The following COL6A6 variants were observed in gnomAD, a reference collection of about 807,000 sequenced individuals.
COL6A6 encodes the protein collagen type VI alpha 6 chain.
Under a neutral mutation model 208.6 loss-of-function variants are expected in COL6A6, and 183 were observed. The ratio of observed to expected loss-of-function variants is 0.88; its 90% CI spans 0.78 to 0.99. The LOEUF is 0.99. Ranked by LOEUF, COL6A6 falls within the 50% of genes least tolerant of loss-of-function variation. The probability of loss-of-function intolerance (pLI) is 0.00; values close to 1 mark genes in which losing one functional copy is unlikely to be tolerated. For missense variants in COL6A6, 2,816 were observed against 2,815.2 expected (o/e 1.00, Z -0.01); for synonymous variants, 973 against 1,011.8 (o/e 0.96, Z 0.73).
intron 24 of COL6A6, among the ~76,000 whole-genome samples, chr3:130,625,398 G>A (rs1352640062): frequency 6.6e-6 from 1 of 152,172 alleles, no homozygotes; most frequent in Admixed American, 6.5e-5. Flanking sequence ...GAGGGAGATG[G>A]AGAGTAACTT....
chr3:130,549,600 A>G (rs1457296382), intron 1 of COL6A6, among the ~76,000 whole-genome samples: 3 of 152,134 alleles, frequency 2.0e-5, no homozygotes, highest in East Asian at 3.8e-4. Context: ...TCCAGTTTCA[A>G]TCTTCTGCAT....
At chr3:130,527,890 C>CTTTTTTTTTTTTTTTTTTTTTTTT (rs56110472) in intron 1 of COL6A6, among the ~76,000 whole-genome samples, 2 of 57,816 alleles carry the variant, frequency 3.5e-5, no homozygotes, top group Non-Finnish European at 7.0e-5. Flanking sequence ...GTTACTTTTC[C>CTTTTTTTTTTTTTTTTTTTTTTTT]TTTTTTTTTT....
At chr3:130,603,540 G>A (rs2064089737) in intron 20 of COL6A6, among the ~76,000 whole-genome samples, 1 of 152,212 alleles carries the variant, frequency 6.6e-6, no homozygotes, top group African/African-American at 2.4e-5. Flanking sequence ...TGGGGGAGAT[G>A]AGGAAGAAAG....
chr3:130,563,559 C>T lies in COL6A6; in HGVS notation c.556C>T (p.Leu186Phe). 6.2e-7 allele frequency: 1 copy of T among 1,613,998 alleles called. No individual in the cohort carries two copies. The highest frequency in any genetic ancestry group is 8.5e-7 in the Non-Finnish European group (1 of 1,179,888). The change falls in exon 3 of 37, where the codon CTT becomes TTT. Residue 186 changes from leucine to phenylalanine, a missense_variant. By Grantham distance (22) the Leu-to-Phe change is conservative. Transcript: ENST00000358511. ...AMATSQFHFN[L>F]RTVRDLSMFS... The stretch of plus-strand genomic sequence containing the variant: ...GGCCACGTCTCAGTTTCATTTCAAC[C>T]TTCGGACAGTCAGAGACCTCAGCAT...
At chr3:130,558,715 T>A (rs1170912944) in intron 1 of COL6A6, among the ~76,000 whole-genome samples, 1 of 152,124 alleles carries the variant, frequency 6.6e-6, no homozygotes, top group Non-Finnish European at 1.5e-5. Context: ...CTACAATAAT[T>A]TATAAAGCTC....
chr3:130,638,743 T>A (rs2065227350), intron 28 of COL6A6, among the ~76,000 whole-genome samples: 1 of 152,244 alleles, frequency 6.6e-6, no homozygotes, highest in Admixed American at 6.5e-5. Context: ...TTTCTCAGAA[T>A]TTTGAAGGCT....
chr3:130,545,916 ACTT>A, intron 1 of COL6A6, among the ~76,000 whole-genome samples: 1 of 152,110 alleles, frequency 6.6e-6, no homozygotes, highest in South Asian at 2.1e-4. Flanking sequence ...TTCAAATATT[ACTT>A]CTACTTCTTT....
chr3:130,556,873 C>T (rs2062778537), intron 1 of COL6A6, among the ~76,000 whole-genome samples: 1 of 152,202 alleles, frequency 6.6e-6, no homozygotes, highest in Non-Finnish European at 1.5e-5. Flanking sequence ...CCACAGAGGG[C>T]CTGCCATAGG....
chr3:130,645,004 T>G lies in COL6A6; in HGVS notation c.5239+2T>G. 6.2e-7 allele frequency: 1 copy of G among 1,611,956 alleles called. No individual in the cohort carries two copies. Among genetic ancestry groups the G allele is most frequent in the Non-Finnish European group, 8.5e-7 (1 of 1,178,086 alleles). The stretch of plus-strand genomic sequence containing the variant: ...CTTCTTCCCCAGCTGGCAGGCATGG[T>G]GAGTAATCTTTATTTACAGCATGCT... On this transcript the variant is annotated splice_donor_variant, in intron 32 of 36. Transcript: ENST00000358511. LOFTEE classifies it high-confidence loss of function.
intron 1 of COL6A6, among the ~76,000 whole-genome samples, chr3:130,553,646 T>TC (rs2062698714): frequency 6.6e-6 from 1 of 152,104 alleles, no homozygotes; most frequent in Non-Finnish European, 1.5e-5. Flanking sequence ...GTTTTTTTTT[T>TC]CTGCCATTTC....
chr3:130,615,358 T>C (rs538581225), intron 23 of COL6A6, among the ~76,000 whole-genome samples: 1 of 152,326 alleles, frequency 6.6e-6, no homozygotes, highest in Non-Finnish European at 1.5e-5. Flanking sequence ...TATTTCTGAT[T>C]GTGTGGTCAA....
chr3:130,605,049 C>T (rs1446061783), intron 20 of COL6A6, among the ~76,000 whole-genome samples: 2 of 152,214 alleles, frequency 1.3e-5, no homozygotes, highest in East Asian at 3.8e-4. Flanking sequence ...ACTTTTGACA[C>T]AGATGGCCTT....
intron 24 of COL6A6, 45 bp downstream of exon 24, chr3:130,621,928 C>A (rs1409115544): frequency 1.3e-6 from 2 of 1,496,186 alleles, no homozygotes; most frequent in Non-Finnish European, 1.9e-6. Context: ...GTTTTCTGCT[C>A]AAGAGAACTG....
At chr3:130,657,574 A>AAAC (rs60476470) in intron 33 of COL6A6, among the ~76,000 whole-genome samples, 5,994 of 152,104 alleles carry the variant, frequency 0.039, 170 homozygotes, top group Non-Finnish European at 0.059. Context: ...TATTTGTTTA[A>AAAC]AACAACAACA....
At chr3:130,622,019 G>A (rs2064734385) in intron 24 of COL6A6, 136 bp downstream of exon 24, 1 of 694,932 alleles carries the variant, frequency 1.4e-6, no homozygotes, top group Admixed American at 2.6e-5. Context: ...TTGATTCTTA[G>A]AGAGCCAACA....
chr3:130,609,371 G>A (rs1004555284), intron 22 of COL6A6, among the ~76,000 whole-genome samples: 2 of 152,172 alleles, frequency 1.3e-5, no homozygotes, highest in Non-Finnish European at 1.5e-5. Flanking sequence ...AGAATTGCTC[G>A]AAAGACAGCT....
At chr3:130,579,611 T>C (rs1403514915) in intron 8 of COL6A6, among the ~76,000 whole-genome samples, 1 of 152,224 alleles carries the variant, frequency 6.6e-6, no homozygotes, top group African/African-American at 2.4e-5. Context: ...AGCCCTTTCT[T>C]ATTCCCACTG....
intron 1 of COL6A6, among the ~76,000 whole-genome samples, chr3:130,541,627 T>A (rs2062365746): frequency 6.6e-6 from 1 of 152,232 alleles, no homozygotes; most frequent in Non-Finnish European, 1.5e-5. Context: ...GTTGTCAGTG[T>A]TCTGGGCTTT....
At position 130,598,447 on chromosome 3, in the gene COL6A6, G is replaced by T; in HGVS notation, c.4599+17G>T. 1.3e-6 allele frequency: 2 copies of T among 1,523,682 alleles called. No individual in the cohort carries two copies. The highest frequency in any genetic ancestry group is 2.4e-5 in the South Asian group (2 of 83,180). 94.4% of individuals were successfully genotyped at this position (1,523,682 alleles called of 1,614,324 possible). A position where few individuals can be genotyped will look rare whatever the true frequency, so the allele number is the denominator to read the frequency against. ...GGAAGACAAGTAATTACGTGGGCTTGTAAAATCGTGATGCAACAACTGTGG... is the reference window on the plus strand; with the variant it reads ...GGAAGACAAGTAATTACGTGGGCTTTTAAAATCGTGATGCAACAACTGTGG... On this transcript the variant is annotated intron_variant, in intron 19 of 36. Transcript: ENST00000358511.
Sources: allele counts gnomAD v4.1 joint callset (sites outside exome capture counted in the v4.1 genomes callset), GRCh38; gene constraint gnomAD v4.1.1; transcripts MANE v1.5; gene names NCBI Gene and HGNC (gene_info 2026-07-23, HGNC 2026-07-21).